Variants in CREBBP observed in about 807,000 individuals in gnomAD.
The protein encoded by CREBBP is CREB-binding protein.
CREBBP carries 19 observed loss-of-function variants against 265.0 expected under a neutral mutation model. The observed-to-expected ratio is 0.07, with a 90% confidence interval of 0.05 to 0.11. CREBBP has a LOEUF of 0.11. Ranked by LOEUF, CREBBP falls within the 10% of genes least tolerant of loss-of-function variation. CREBBP has a pLI of 1.00. For synonymous variants in CREBBP, 1,457 were observed against 1,223.7 expected, an observed-to-expected ratio of 1.19 and a Z score of -3.98; for missense variants, 2,525 against 3,219.0, an observed-to-expected ratio of 0.78 and a Z score of 5.22.
intron 2 of CREBBP, among the ~76,000 whole-genome samples, chr16:3,839,165 T>A (rs1454486405): frequency 6.6e-6 from 1 of 152,136 alleles, no homozygotes; most frequent in Non-Finnish European, 1.5e-5. Flanking sequence ...AGAGATTAAA[T>A]AAGTTTCCCA....
In CREBBP at chr16:3,732,668, C is replaced by T. The variant is rs529803020; in HGVS notation, c.4729-731G>A. Among the ~76,000 whole-genome samples the T allele has an allele frequency of 2.0e-5, 3 of 152,198 alleles. No homozygotes were observed. The South Asian group carries it at 6.2e-4, about 32-fold the overall frequency. ...TCTCCTGCCTCAGCCTCCTGGGTAGCTGGGATTATAGGCACCCGCCACCAT... is the reference window on the plus strand; with the variant it reads ...TCTCCTGCCTCAGCCTCCTGGGTAGTTGGGATTATAGGCACCCGCCACCAT... On this transcript the variant is annotated intron_variant, in intron 28 of 30. Coordinates refer to ENST00000262367, the MANE Select transcript of CREBBP (RefSeq NM_004380.3).
intron 28 of CREBBP, among the ~76,000 whole-genome samples, chr16:3,733,320 C>G (rs186486009): frequency 9.2e-4 from 138 of 149,250 alleles, no homozygotes; most frequent in Admixed American, 3.8e-3. Flanking sequence ...TGAGATGGCG[C>G]CACTGCACTC....
chr16:3,735,106 C>T (rs184868860), intron 28 of CREBBP, among the ~76,000 whole-genome samples: 23 of 152,316 alleles, frequency 1.5e-4, no homozygotes, highest in Admixed American at 3.3e-4. Context: ...GCACACAGCG[C>T]GCCTCCTCCC....
chr16:3,823,957 A>AACACACAC lies in CREBBP; in HGVS notation c.799-13186_799-13179dup, dbSNP rs57902688. On this transcript the variant is annotated intron_variant, in intron 2 of 30. Coordinates refer to ENST00000262367, the MANE Select transcript of CREBBP (RefSeq NM_004380.3). ...CACTGGAAGTTGAAAAGGCTGTGGC[A>AACACACAC]ACACACACACACACACACACACACA... 3.9e-3 allele frequency among the ~76,000 whole-genome samples: 581 copies of AACACACAC among 148,130 alleles called. 2 individuals are homozygous for AACACACAC. The highest frequency in any genetic ancestry group is 6.8e-3 in the Middle Eastern group (2 of 292).
chr16:3,749,705 A>T (rs2052429849), intron 20 of CREBBP, 22 bp from the exon 21 acceptor site: 1 of 1,506,418 alleles, frequency 6.6e-7, no homozygotes, highest in Non-Finnish European at 9.2e-7. Context: ...ATAAGAAAAC[A>T]TGTTTTATTA....
chr16:3,849,526 T>C (rs2054781084), intron 2 of CREBBP, among the ~76,000 whole-genome samples: 1 of 4,388 alleles, frequency 2.3e-4, no homozygotes, highest in Admixed American at 4.1e-3. Flanking sequence ...AGGCTGCTGC[T>C]TTTTTTTTTT....
At chr16:3,849,649 G>C (rs987413300) in intron 2 of CREBBP, among the ~76,000 whole-genome samples, 1 of 150,076 alleles carries the variant, frequency 6.7e-6, no homozygotes, top group African/African-American at 2.5e-5. Flanking sequence ...GGGATCACAG[G>C]CGTGAGTCAC....
chr16:3,814,838 C>T (rs1349537151), intron 2 of CREBBP, among the ~76,000 whole-genome samples: 1 of 152,184 alleles, frequency 6.6e-6, no homozygotes, highest in East Asian at 1.9e-4. Flanking sequence ...ACCCAGGCTA[C>T]ATGCAGGAGG....
intron 11 of CREBBP, 117 bp from the exon 12 acceptor site, chr16:3,774,810 G>C: frequency 7.6e-7 from 1 of 1,311,306 alleles, no homozygotes; most frequent in Non-Finnish European, 1.1e-6. Context: ...ACAGAAAACT[G>C]AAAAGAAATC....
chr16:3,734,366 G>A (rs568711558), intron 28 of CREBBP, among the ~76,000 whole-genome samples: 4 of 152,132 alleles, frequency 2.6e-5, no homozygotes, highest in Admixed American at 2.0e-4. Flanking sequence ...TCTACATGCC[G>A]ACACCTCAGC....
At chr16:3,872,355 G>T (rs574839248) in intron 1 of CREBBP, among the ~76,000 whole-genome samples, 82 of 152,280 alleles carry the variant, frequency 5.4e-4, no homozygotes, top group Admixed American at 1.2e-3. Context: ...AAATGGCAAA[G>T]ACCTGACCAC....
intron 30 of CREBBP, among the ~76,000 whole-genome samples, chr16:3,730,238 C>A (rs1234080365): frequency 1.3e-5 from 2 of 152,184 alleles, no homozygotes; most frequent in East Asian, 3.9e-4. Flanking sequence ...ACAGTAGACA[C>A]CAGCCCCCTT....
At chr16:3,831,149 A>G (rs1352662387) in intron 2 of CREBBP, among the ~76,000 whole-genome samples, 1 of 152,200 alleles carries the variant, frequency 6.6e-6, no homozygotes, top group Non-Finnish European at 1.5e-5. Flanking sequence ...CAAGTCTTCA[A>G]TTTCAAAGGA....
intron 7 of CREBBP, 51 bp from the exon 8 acceptor site, chr16:3,780,929 C>T (rs775757827): frequency 7.5e-6 from 12 of 1,605,946 alleles, no homozygotes; most frequent in Non-Finnish European, 1.7e-6. Context: ...GACTCAAACA[C>T]ACTTTGTCTA....
intron 21 of CREBBP, among the ~76,000 whole-genome samples, chr16:3,748,556 T>C (rs2052401116): frequency 6.6e-6 from 1 of 152,194 alleles, no homozygotes; most frequent in African/African-American, 2.4e-5. Context: ...AAATCTGTGC[T>C]TGCCACTCTA....
intron 2 of CREBBP, among the ~76,000 whole-genome samples, chr16:3,818,643 C>T (rs1383185032): frequency 1.3e-5 from 2 of 152,206 alleles, no homozygotes; most frequent in East Asian, 3.9e-4. Flanking sequence ...TTCCGAGGAG[C>T]CCACTAAGTC....
At chr16:3,772,546 C>T (rs536267298) in intron 13 of CREBBP, among the ~76,000 whole-genome samples, 2 of 152,114 alleles carry the variant, frequency 1.3e-5, no homozygotes, top group Non-Finnish European at 2.9e-5. Flanking sequence ...TATTGGCACA[C>T]AGCCACCTCA....
At chr16:3,863,313 C>G (rs2141554077) in intron 1 of CREBBP, among the ~76,000 whole-genome samples, 1 of 152,258 alleles carries the variant, frequency 6.6e-6, no homozygotes, top group African/African-American at 2.4e-5. Context: ...AAAACCCAAG[C>G]AAGACAGGGC....
intron 5 of CREBBP, among the ~76,000 whole-genome samples, chr16:3,786,165 C>T (rs12597046): frequency 0.08 from 12,154 of 152,200 alleles, 658 homozygotes; most frequent in East Asian, 0.28. Context: ...GAGTTCGAGA[C>T]CAGCCTGGCT....
Sources: allele counts gnomAD v4.1 joint callset (sites outside exome capture counted in the v4.1 genomes callset), GRCh38; gene constraint gnomAD v4.1.1; transcripts MANE v1.5; gene names NCBI Gene and HGNC (gene_info 2026-07-23, HGNC 2026-07-21).